The following CALN1 variants were observed in gnomAD, a reference collection of about 807,000 sequenced individuals.
The protein encoded by CALN1 is calneuron 1.
Under a neutral mutation model 30.6 loss-of-function variants are expected in CALN1, and 17 were observed. That is an observed-to-expected ratio of 0.56 (90% CI 0.38 to 0.83). The LOEUF (loss-of-function observed/expected upper bound fraction) is 0.83, where lower values mean the gene tolerates loss of function less well. Among genes scored for constraint, CALN1 ranks in the 40% least tolerant of loss-of-function variants. The pLI is 0.00. For synonymous variants in CALN1, 156 were observed against 131.4 expected (o/e 1.19, Z -1.28); for missense variants, 291 against 354.9 (o/e 0.82, Z 1.45).
rs185784740 is a variant in CALN1 at position 72,375,071 on chromosome 7, C to A, written c.119+28180G>T. Among the ~76,000 whole-genome samples, 535 of 152,208 alleles carry A rather than the reference C, an allele frequency of 3.5e-3. 4 individuals are homozygous for A. Among genetic ancestry groups the A allele is most frequent in the Middle Eastern group, 0.017 (5 of 294 alleles). The stretch of plus-strand genomic sequence containing the variant: ...TGGAAAAAAAGATTGTCTTTATTTA[C>A]AGATGACATGGTAGTTGTATTAATT... On this transcript the variant is annotated intron_variant, in intron 2 of 6. Coordinates refer to ENST00000395275, the MANE Select transcript of CALN1 (RefSeq NM_031468.4).
chr7:72,178,765 C>A (rs374573130), intron 3 of CALN1, among the ~76,000 whole-genome samples: 35 of 151,894 alleles, frequency 2.3e-4, no homozygotes, highest in East Asian at 1.9e-3. Context: ...TATTTTTACG[C>A]ATATTGTAGA....
chr7:72,477,237 C>T, the CALN1 span, among the ~76,000 whole-genome samples: 1 of 150,596 alleles, frequency 6.6e-6, no homozygotes, highest in Non-Finnish European at 1.5e-5. Flanking sequence ...AGGTGCATGC[C>T]CTGAGAACAT....
At chr7:71,931,276 T>TG (rs1034850374) in intron 5 of CALN1, among the ~76,000 whole-genome samples, 1 of 152,034 alleles carries the variant, frequency 6.6e-6, no homozygotes, top group Non-Finnish European at 1.5e-5. Flanking sequence ...TCTCTTTTTT[T>TG]TTTGTTTGAG....
intron 6 of CALN1, among the ~76,000 whole-genome samples, chr7:71,792,343 G>A (rs1786617100): frequency 6.6e-6 from 1 of 152,026 alleles, no homozygotes; most frequent in Non-Finnish European, 1.5e-5. Flanking sequence ...TGATACTTGT[G>A]AATTATTTCG....
intron 5 of CALN1, among the ~76,000 whole-genome samples, chr7:71,916,161 G>C (rs954021843): frequency 6.6e-6 from 1 of 151,808 alleles, no homozygotes; most frequent in African/African-American, 2.4e-5. Context: ...AAACACAAAG[G>C]GATGTTCCCA....
chr7:72,152,719 C>T (rs1167033562), intron 3 of CALN1, among the ~76,000 whole-genome samples: 2 of 152,152 alleles, frequency 1.3e-5, no homozygotes, highest in Middle Eastern at 3.4e-3. Flanking sequence ...GAGAGAGGCA[C>T]CAGAGAGGAT....
intron 3 of CALN1, among the ~76,000 whole-genome samples, chr7:72,149,756 AC>A (rs1250548206): frequency 1.3e-5 from 2 of 152,006 alleles, no homozygotes; most frequent in Non-Finnish European, 2.9e-5. Context: ...ACTCATTACC[AC>A]AGTGATTGGC....
chr7:72,315,316 G>A (rs1585456881), intron 2 of CALN1, among the ~76,000 whole-genome samples: 1 of 152,072 alleles, frequency 6.6e-6, no homozygotes, highest in Non-Finnish European at 1.5e-5. Flanking sequence ...CCAATGAACA[G>A]ACATAAAACA....
intron 3 of CALN1, among the ~76,000 whole-genome samples, chr7:72,156,374 G>A (rs1019446774): frequency 1.3e-5 from 2 of 152,188 alleles, no homozygotes; most frequent in African/African-American, 4.8e-5. Context: ...AGAGCCCCCT[G>A]TATCTTCAGA....
the CALN1 span, among the ~76,000 whole-genome samples, chr7:72,487,049 C>A: frequency 1.3e-5 from 2 of 152,194 alleles, no homozygotes; most frequent in South Asian, 4.2e-4. Flanking sequence ...TGTATCTCTC[C>A]TTCCTCTTCT....
At chr7:72,308,603 A>C (rs1162369053) in intron 2 of CALN1, among the ~76,000 whole-genome samples, 1 of 152,222 alleles carries the variant, frequency 6.6e-6, no homozygotes, top group Non-Finnish European at 1.5e-5. Flanking sequence ...AAAACATTGC[A>C]GATGACATAA....
chr7:71,853,880 T>G (rs1790790928), intron 5 of CALN1, among the ~76,000 whole-genome samples: 1 of 152,150 alleles, frequency 6.6e-6, no homozygotes, highest in Non-Finnish European at 1.5e-5. Flanking sequence ...GCGCCCAGCC[T>G]GAAGTTTTAA....
rs116576037 is a variant in CALN1 at position 71,925,218 on chromosome 7, G to C, written c.501+98439C>G. Among the ~76,000 whole-genome samples the C allele has an allele frequency of 7.5e-3, 1,145 of 152,174 alleles. 15 individuals are homozygous for C. Among genetic ancestry groups the C allele is most frequent in the African/African-American group, 0.026 (1,071 of 41,510 alleles). ...ATTGTGCCACTGTACTACAGTCTGGGCAACACAGTGAGACTCTGAGGGGGA... is the reference window on the plus strand; with the variant it reads ...ATTGTGCCACTGTACTACAGTCTGGCCAACACAGTGAGACTCTGAGGGGGA... On this transcript the variant is annotated intron_variant, in intron 5 of 6. Transcript: ENST00000395275.
At chr7:72,234,304 G>A (rs1347457464) in intron 3 of CALN1, among the ~76,000 whole-genome samples, 2 of 152,264 alleles carry the variant, frequency 1.3e-5, no homozygotes, top group African/African-American at 2.4e-5. Flanking sequence ...ATTAGACTCT[G>A]CCTAGATTCC....
At chr7:71,971,981 GAA>G (rs796475980) in intron 5 of CALN1, among the ~76,000 whole-genome samples, 1,256 of 96,484 alleles carry the variant, frequency 0.013, 18 homozygotes, top group Non-Finnish European at 0.022. Context: ...AAGAAAGAAA[GAA>G]AGAAAGAAAG....
At chr7:72,259,502 T>G (rs755534611) in intron 3 of CALN1, among the ~76,000 whole-genome samples, 2 of 152,092 alleles carry the variant, frequency 1.3e-5, no homozygotes, top group Non-Finnish European at 2.9e-5. Flanking sequence ...CTCATCAAGA[T>G]GAATTACAGT....
At chr7:72,244,944 C>T (rs1336589742) in intron 3 of CALN1, among the ~76,000 whole-genome samples, 1 of 152,014 alleles carries the variant, frequency 6.6e-6, no homozygotes, top group Admixed American at 6.6e-5. Flanking sequence ...ACTTTTATTC[C>T]AACTCCTCTA....
At chr7:72,325,616 A>G in intron 2 of CALN1, among the ~76,000 whole-genome samples, 1 of 152,168 alleles carries the variant, frequency 6.6e-6, no homozygotes, top group East Asian at 1.9e-4. Flanking sequence ...ATAAATAAAT[A>G]AAACAAGAGT....
chr7:72,054,452 T>C (rs1416607357), intron 4 of CALN1, among the ~76,000 whole-genome samples: 3 of 113,652 alleles, frequency 2.6e-5, no homozygotes, highest in Non-Finnish European at 5.6e-5. Flanking sequence ...TATATACATA[T>C]ATATACATAT....
Sources: allele counts gnomAD v4.1 joint callset (sites outside exome capture counted in the v4.1 genomes callset), GRCh38; gene constraint gnomAD v4.1.1; transcripts MANE v1.5; gene names NCBI Gene and HGNC (gene_info 2026-07-23, HGNC 2026-07-21).